DYNC1I1: variants seen among roughly 807,000 people sequenced by gnomAD.
DYNC1I1 encodes dynein cytoplasmic 1 intermediate chain 1, also known as cytoplasmic dynein 1 intermediate chain 1.
A neutral mutation model predicts 86.6 loss-of-function variants in DYNC1I1; 43 were observed. The ratio of observed to expected loss-of-function variants is 0.50; its 90% CI spans 0.39 to 0.64. DYNC1I1 has a LOEUF of 0.64. DYNC1I1 is among the 30% of genes least tolerant of loss of function. DYNC1I1 has a pLI of 0.00. For synonymous variants in DYNC1I1, 262 were observed against 283.7 expected, an observed-to-expected ratio of 0.92 and a Z score of 0.77; for missense variants, 604 against 788.8, an observed-to-expected ratio of 0.77 and a Z score of 2.81.
chr7:95,773,231 GCT>G (rs1793752206), intron 1 of DYNC1I1, among the ~76,000 whole-genome samples: 2 of 152,244 alleles, frequency 1.3e-5, no homozygotes, highest in Admixed American at 1.3e-4. Context: ...TGTCTGCAAA[GCT>G]CTTAGATGCT....
intron 14 of DYNC1I1, among the ~76,000 whole-genome samples, chr7:96,060,757 T>A (rs1247216927): frequency 1.3e-5 from 2 of 152,078 alleles, no homozygotes; most frequent in African/African-American, 4.8e-5. Context: ...AATCTCTGTA[T>A]ACTTTCTATT....
chr7:95,816,212 G>C (rs908645749), intron 4 of DYNC1I1, among the ~76,000 whole-genome samples: 10 of 152,122 alleles, frequency 6.6e-5, no homozygotes, highest in African/African-American at 2.4e-4. Context: ...TGTAGAGATG[G>C]AGTCTCACTA....
intron 10 of DYNC1I1, among the ~76,000 whole-genome samples, chr7:96,023,095 G>T (rs977898938): frequency 6.6e-6 from 1 of 151,986 alleles, no homozygotes; most frequent in Non-Finnish European, 1.5e-5. Flanking sequence ...GGTTTCTTAG[G>T]TACTCGCAGA....
rs534800868 is a variant in DYNC1I1 at position 95,813,486 on chromosome 7, A to G, written c.314+149A>G. 8.9e-6 allele frequency: 9 copies of G among 1,010,388 alleles called. No homozygotes were observed. In the East Asian group the frequency reaches 1.8e-4, roughly 21 times the overall value. 62.6% of individuals were successfully genotyped at this position (1,010,388 alleles called of 1,614,324 possible). A position where few individuals can be genotyped will look rare whatever the true frequency, so the allele number is the denominator to read the frequency against. ...ATGTTTAAATTTATGGTGGCTTGCT[A>G]TTTTTAGTGGAATAGCAATGATCTT... On this transcript the variant is annotated intron_variant, in intron 4 of 16. Coordinates refer to ENST00000447467, the MANE Select transcript of DYNC1I1 (RefSeq NM_001135556.2).
At chr7:95,921,622 C>T (rs1180658847) in intron 6 of DYNC1I1, among the ~76,000 whole-genome samples, 1 of 152,176 alleles carries the variant, frequency 6.6e-6, no homozygotes, top group East Asian at 1.9e-4. Flanking sequence ...GTTCTCTTGT[C>T]TGCACACACC....
intron 1 of DYNC1I1, among the ~76,000 whole-genome samples, chr7:95,784,192 C>T (rs934889273): frequency 6.6e-6 from 1 of 152,082 alleles, no homozygotes; most frequent in Non-Finnish European, 1.5e-5. Context: ...AATCTGGCTT[C>T]TATTCTGATA....
At chr7:96,009,597 A>G (rs1379249270) in intron 10 of DYNC1I1, among the ~76,000 whole-genome samples, 1 of 152,150 alleles carries the variant, frequency 6.6e-6, no homozygotes, top group African/African-American at 2.4e-5. Flanking sequence ...CATAACAAAT[A>G]CAGTCTTTTC....
At chr7:95,850,540 G>A (rs1027756336) in intron 5 of DYNC1I1, among the ~76,000 whole-genome samples, 5 of 152,170 alleles carry the variant, frequency 3.3e-5, no homozygotes, top group African/African-American at 1.2e-4. Flanking sequence ...GTGAATGCCT[G>A]AAACCATGGA....
rs147021034 is a variant in DYNC1I1, at chr7:96,041,317, G to A, written c.1509+1896G>A. Among the ~76,000 whole-genome samples, 80 of 152,236 alleles carry A rather than the reference G, an allele frequency of 5.3e-4. 1 individual carries two copies. Among genetic ancestry groups the A allele is most frequent in the Middle Eastern group, 3.4e-3 (1 of 292 alleles). On this transcript the variant is annotated intron_variant, in intron 14 of 16. Coordinates refer to ENST00000447467, the MANE Select transcript of DYNC1I1 (RefSeq NM_001135556.2). ...TCAGATTGACAAAAATCTAAGTTTT[G>A]CAACATACTCTGTGATGAGGCCGAA...
chr7:95,997,770 AG>A (rs933648866), intron 10 of DYNC1I1, among the ~76,000 whole-genome samples: 1 of 152,172 alleles, frequency 6.6e-6, no homozygotes, highest in Non-Finnish European at 1.5e-5. Context: ...GTAACAAGAT[AG>A]TCATACCAGA....
chr7:95,809,278 C>G (rs746973644), intron 2 of DYNC1I1, among the ~76,000 whole-genome samples: 1 of 152,172 alleles, frequency 6.6e-6, no homozygotes, highest in Non-Finnish European at 1.5e-5. Flanking sequence ...TAAACTCTTT[C>G]TGCTTATAGA....
intron 10 of DYNC1I1, among the ~76,000 whole-genome samples, chr7:96,000,502 C>T (rs926896426): frequency 6.6e-6 from 1 of 152,170 alleles, no homozygotes; most frequent in African/African-American, 2.4e-5. Flanking sequence ...AGTGCCACAA[C>T]ATTGCTACTT....
intron 14 of DYNC1I1, among the ~76,000 whole-genome samples, chr7:96,052,263 G>A (rs1437129017): frequency 2.6e-5 from 4 of 151,920 alleles, no homozygotes; most frequent in Non-Finnish European, 5.9e-5. Context: ...TAGAAACTGA[G>A]GTTAAGCTTT....
intron 10 of DYNC1I1, among the ~76,000 whole-genome samples, chr7:96,004,365 A>G (rs529397526): frequency 1.3e-5 from 2 of 152,266 alleles, no homozygotes; most frequent in East Asian, 3.9e-4. Context: ...TGTATCCATA[A>G]TCATTTTATA....
In DYNC1I1 at chr7:96,080,486, G is replaced by A; in HGVS notation, c.1774G>A (p.Glu592Lys). 6.2e-7 allele frequency: 1 copy of A among 1,614,196 alleles called. No homozygotes were observed. The highest frequency in any genetic ancestry group is 8.5e-7 in the Non-Finnish European group (1 of 1,180,034). The change falls in exon 16 of 17, where the codon GAG (glutamate) becomes AAG (lysine). Residue 592 changes from glutamate to lysine, a missense_variant and splice_region_variant. Physicochemically the swap from Glu to Lys is moderately conservative, Grantham distance 56 (BLOSUM62 1). Transcript: ENST00000447467. ...CCGTATTTGGGTCTATGACGTTGGA[G>A]AGGTACGTGTGTATTTGTGTTGTTG... ...EGRIWVYDVG[E>K]LAVPHNDEWT...
intron 6 of DYNC1I1, among the ~76,000 whole-genome samples, chr7:95,881,961 C>A (rs1159906897): frequency 6.6e-6 from 1 of 152,162 alleles, no homozygotes; most frequent in East Asian, 1.9e-4. Context: ...CACATTGCTA[C>A]CCTCATAGCT....
At chr7:95,909,921 C>T (rs1791284919) in intron 6 of DYNC1I1, among the ~76,000 whole-genome samples, 1 of 152,156 alleles carries the variant, frequency 6.6e-6, no homozygotes, top group African/African-American at 2.4e-5. Flanking sequence ...CTGTCTTTCT[C>T]TCTCTTTCTC....
At chr7:95,799,582 G>T (rs2706886) in intron 1 of DYNC1I1, among the ~76,000 whole-genome samples, 18,582 of 151,932 alleles carry the variant, frequency 0.12, 1,224 homozygotes, top group African/African-American at 0.17. Context: ...AGAAAAAATT[G>T]AGAAGTTTTC....
At chr7:95,822,048 CTTG>C (rs1228959995) in intron 4 of DYNC1I1, among the ~76,000 whole-genome samples, 1 of 152,180 alleles carries the variant, frequency 6.6e-6, no homozygotes, top group South Asian at 2.1e-4. Flanking sequence ...AAACCACCAA[CTTG>C]TTGTTGGTAA....
Sources: gnomAD v4.1 joint callset for allele counts (sites outside exome capture counted in the v4.1 genomes callset) on GRCh38, gnomAD v4.1.1 for gene constraint, MANE v1.5 for transcripts, NCBI Gene and HGNC (gene_info 2026-07-23, HGNC 2026-07-21) for gene names.